TRDN: variants seen among roughly 807,000 people sequenced by gnomAD.
TRDN encodes triadin, also known as triadin in skeletal muscle.
In TRDN, 161 loss-of-function variants were observed where a neutral mutation model predicts 149.7. The observed-to-expected ratio is 1.08, with a 90% confidence interval of 0.95 to 1.23. TRDN has a LOEUF of 1.23. Ranked by LOEUF, TRDN falls within the 50% of genes most tolerant of loss-of-function variation. TRDN has a pLI of 0.00. For missense variants in TRDN, 896 were observed against 823.5 expected (o/e 1.09, Z -1.08); for synonymous variants, 294 against 250.5 (o/e 1.17, Z -1.64).
intron 5 of TRDN, among the ~76,000 whole-genome samples, chr6:123,528,484 C>T (rs1780060263): frequency 6.6e-6 from 1 of 151,906 alleles, no homozygotes; most frequent in Admixed American, 6.6e-5. Context: ...CATAATGAAT[C>T]TTTTTGGTCT....
intron 5 of TRDN, chr6:123,529,103 T>C (rs1380150181): frequency 5.4e-6 from 8 of 1,471,500 alleles, no homozygotes; most frequent in Non-Finnish European, 6.3e-6. Context: ...AATGGTGCCA[T>C]CTACATTACT....
At chr6:123,576,533 C>T (rs1782869443) in intron 1 of TRDN, among the ~76,000 whole-genome samples, 1 of 151,946 alleles carries the variant, frequency 6.6e-6, no homozygotes, top group African/African-American at 2.4e-5. Context: ...TTCCTACCTA[C>T]CCACTCCATT....
Position 123,331,921 on chromosome 6 carries a change from T to C in TRDN, c.1429A>G (p.Lys477Glu). 2.6e-6 allele frequency: 4 copies of C among 1,544,750 alleles called. No homozygotes were observed. The highest frequency in any genetic ancestry group is 2.4e-5 in the East Asian group (1 of 42,280). ...GCTGGAACTTTCTCTTCTTTCCCTT[T>C]AATAGGTTCTGAAAAGAAACATCGG... ...SSILKDKEPI[K>E]GKEEKVPASL... is the part of the protein sequence containing the mutation. The change falls in exon 23 of 41, where the codon AAA becomes GAA. Residue 477 changes from lysine (K) to glutamate (E), a missense_variant. Transcript: ENST00000334268.
Position 123,316,455 on chromosome 6 carries a change from A to T in TRDN, c.1510+2T>A. 2.5e-6 allele frequency: 4 copies of T among 1,610,086 alleles called. No individual in the cohort carries two copies. Among genetic ancestry groups the T allele is most frequent in the Non-Finnish European group, 3.4e-6 (4 of 1,177,402 alleles). Reference sequence around the variant, plus strand: ...TATGTAAATCTTACAAAATATCCTTACCTGCTTTGGACATCTTTTCATCTT... The same window carrying T: ...TATGTAAATCTTACAAAATATCCTTTCCTGCTTTGGACATCTTTTCATCTT... On this transcript the variant is annotated splice_donor_variant, in intron 24 of 40. Coordinates refer to ENST00000334268, the MANE Select transcript of TRDN (RefSeq NM_006073.4). LOFTEE classifies it high-confidence loss of function.
intron 2 of TRDN, among the ~76,000 whole-genome samples, chr6:123,570,319 T>C (rs1159785812): frequency 6.6e-6 from 1 of 152,204 alleles, no homozygotes; most frequent in Non-Finnish European, 1.5e-5. Flanking sequence ...GAGGGTGTCA[T>C]ATGTCAAAAT....
chr6:123,372,551 A>G (rs184935635), intron 19 of TRDN, among the ~76,000 whole-genome samples: 3 of 152,236 alleles, frequency 2.0e-5, no homozygotes, highest in Admixed American at 6.5e-5. Flanking sequence ...GACCATGCAT[A>G]TGGAATACAT....
chr6:123,556,812 C>G (rs992853166), intron 2 of TRDN, among the ~76,000 whole-genome samples: 1 of 152,072 alleles, frequency 6.6e-6, no homozygotes, highest in African/African-American at 2.4e-5. Context: ...TCACAAAATT[C>G]ATATGTTGAC....
At chr6:123,370,053 G>A (rs993106944) in intron 19 of TRDN, among the ~76,000 whole-genome samples, 2 of 152,138 alleles carry the variant, frequency 1.3e-5, no homozygotes, top group African/African-American at 4.8e-5. Flanking sequence ...TATTGTGAAA[G>A]ATATCATATA....
chr6:123,625,452 C>A (rs1036554650), intron 1 of TRDN, among the ~76,000 whole-genome samples: 2 of 151,890 alleles, frequency 1.3e-5, no homozygotes, highest in Admixed American at 6.6e-5. Flanking sequence ...CAGTGTAAGA[C>A]CTTAATTTAA....
chr6:123,499,719 A>AAAAAAAAAAAAAAATATATATATATATAT, intron 8 of TRDN, among the ~76,000 whole-genome samples: 4 of 47,672 alleles, frequency 8.4e-5, no homozygotes, highest in Non-Finnish European at 1.3e-4. Flanking sequence ...AAAAAAAAAA[A>AAAAAAAAAAAAAAATATATATATATATAT]ATATATATAT....
At chr6:123,387,129 CTA>C (rs1781935369) in intron 14 of TRDN, among the ~76,000 whole-genome samples, 1 of 152,078 alleles carries the variant, frequency 6.6e-6, no homozygotes, top group Non-Finnish European at 1.5e-5. Flanking sequence ...AATCTGTTGA[CTA>C]TTTTGGAAAG....
At chr6:123,521,003 G>A (rs1779651882) in intron 5 of TRDN, among the ~76,000 whole-genome samples, 1 of 152,124 alleles carries the variant, frequency 6.6e-6, no homozygotes, top group African/African-American at 2.4e-5. Flanking sequence ...AAGGGCTTCA[G>A]GATATTTAAA....
At chr6:123,420,713 AG>A (rs1773860964) in intron 12 of TRDN, among the ~76,000 whole-genome samples, 2 of 152,238 alleles carry the variant, frequency 1.3e-5, no homozygotes, top group African/African-American at 4.8e-5. Context: ...GGGTGGATTC[AG>A]CATCTGCTTC....
intron 8 of TRDN, chr6:123,498,421 A>AT (rs1778540306): frequency 2.7e-6 from 1 of 364,722 alleles, no homozygotes; most frequent in Non-Finnish European, 5.7e-6. Context: ...TGAAGAAGAT[A>AT]TAAAAATATA....
chr6:123,283,985 CATATATAT>C (rs57419103), intron 24 of TRDN, among the ~76,000 whole-genome samples: 4 of 57,220 alleles, frequency 7.0e-5, no homozygotes, highest in African/African-American at 3.8e-4. Flanking sequence ...CAACATGGCA[CATATATAT>C]ATATATATAT....
chr6:123,388,023 G>C lies in TRDN; in HGVS notation c.1135+499C>G, dbSNP rs1258562040. On this transcript the variant is annotated intron_variant, in intron 14 of 40. Transcript: ENST00000334268. ...CCTCCAATATTGCATATTGATTATGGACAATGTTTCAAAAGGAGAAAAAAT... is the reference window on the plus strand; with the variant it reads ...CCTCCAATATTGCATATTGATTATGCACAATGTTTCAAAAGGAGAAAAAAT... 2.0e-5 allele frequency among the ~76,000 whole-genome samples: 3 copies of C among 150,908 alleles called. No homozygotes were observed. The East Asian group carries it at 5.8e-4, about 29-fold the overall frequency.
intron 12 of TRDN, among the ~76,000 whole-genome samples, chr6:123,415,888 G>C (rs1167567435): frequency 6.6e-6 from 1 of 152,174 alleles, no homozygotes; most frequent in East Asian, 1.9e-4. Flanking sequence ...GAATACTTTA[G>C]TCGAGTTTCC....
chr6:123,630,689 A>G (rs930567582), intron 1 of TRDN, among the ~76,000 whole-genome samples: 2 of 151,926 alleles, frequency 1.3e-5, no homozygotes, highest in African/African-American at 4.8e-5. Context: ...AGTTCCTATT[A>G]CAAATAATAA....
At chr6:123,357,039 AT>A (rs923951218) in intron 20 of TRDN, among the ~76,000 whole-genome samples, 2 of 151,740 alleles carry the variant, frequency 1.3e-5, no homozygotes, top group African/African-American at 4.8e-5. Flanking sequence ...GAATTAAAAA[AT>A]ATTGACTTCT....
Sources: gnomAD v4.1 joint callset for allele counts (sites outside exome capture counted in the v4.1 genomes callset) on GRCh38, gnomAD v4.1.1 for gene constraint, MANE v1.5 for transcripts, NCBI Gene and HGNC (gene_info 2026-07-23, HGNC 2026-07-21) for gene names.